Variants in ADAMTS17 observed in about 807,000 individuals in gnomAD.
ADAMTS17 encodes the protein A disintegrin and metalloproteinase with thrombospondin motifs 17.
ADAMTS17 carries 113 observed loss-of-function variants against 141.5 expected under a neutral mutation model. The ratio of observed to expected loss-of-function variants is 0.80; its 90% CI spans 0.69 to 0.93. The LOEUF (loss-of-function observed/expected upper bound fraction) is 0.93, where lower values mean the gene tolerates loss of function less well. Ranked by LOEUF, ADAMTS17 falls within the 40% of genes least tolerant of loss-of-function variation. ADAMTS17 has a pLI of 0.00. For synonymous variants in ADAMTS17, 768 were observed against 630.6 expected (o/e 1.22, Z -3.27); for missense variants, 1,659 against 1,517.9 (o/e 1.09, Z -1.54).
intron 3 of ADAMTS17, chr15:100,306,303 T>C (rs2045223091): frequency 2.8e-6 from 1 of 361,812 alleles, no homozygotes; most frequent in Non-Finnish European, 5.4e-6. Context: ...TTCAGAGTGA[T>C]GCTCTAGGAT....
intron 10 of ADAMTS17, 130 bp downstream of exon 10, chr15:100,152,482 A>G: frequency 8.2e-7 from 1 of 1,224,660 alleles, no homozygotes; most frequent in Non-Finnish European, 1.2e-6. Context: ...ATATACATGT[A>G]TACCTGTGCT....
At chr15:100,135,065 C>T (rs144194389) in intron 10 of ADAMTS17, among the ~76,000 whole-genome samples, 20 of 151,960 alleles carry the variant, frequency 1.3e-4, no homozygotes, top group Admixed American at 1.1e-3. Flanking sequence ...GGGACAGGAG[C>T]GGTTGGGATT....
rs1012082333 is a variant in ADAMTS17, at chr15:100,142,122, G to A, written c.1474-8807C>T. ...TGAAGACTTTTAAGACAGAAAATCT[G>A]GAGTAAGACACAGAAACTTCTAACA... On this transcript the variant is annotated intron_variant, in intron 10 of 21. Transcript: ENST00000268070. 2.0e-5 allele frequency among the ~76,000 whole-genome samples: 3 copies of A among 152,328 alleles called. 1 individual carries two copies. Among genetic ancestry groups the A allele is most frequent in the East Asian group, 3.9e-4 (2 of 5,190 alleles).
intron 3 of ADAMTS17, among the ~76,000 whole-genome samples, chr15:100,325,096 C>T (rs184060238): frequency 3.9e-5 from 6 of 152,286 alleles, no homozygotes; most frequent in South Asian, 4.1e-4. Flanking sequence ...TATGACGGTT[C>T]GCTTGAACAT....
intron 18 of ADAMTS17, among the ~76,000 whole-genome samples, chr15:100,036,238 A>G (rs1317637581): frequency 6.6e-6 from 1 of 152,238 alleles, no homozygotes; most frequent in Non-Finnish European, 1.5e-5. Flanking sequence ...GGGAAGGTGC[A>G]CTGTGAAAGG....
At chr15:100,341,744 G>C (rs2046373461) in intron 1 of ADAMTS17, 77 bp downstream of exon 1, 1 of 1,492,842 alleles carries the variant, frequency 6.7e-7, no homozygotes, top group Non-Finnish European at 8.9e-7. Flanking sequence ...CCCCCGGGCC[G>C]CCAGGACGCC....
intron 14 of ADAMTS17, among the ~76,000 whole-genome samples, chr15:100,108,763 T>C (rs951774851): frequency 4.6e-5 from 7 of 152,234 alleles, no homozygotes; most frequent in African/African-American, 1.7e-4. Context: ...ACGTTGTGCC[T>C]GTTCTTTCCA....
intron 7 of ADAMTS17, among the ~76,000 whole-genome samples, chr15:100,242,261 G>C (rs142249212): frequency 6.6e-6 from 1 of 152,250 alleles, no homozygotes; most frequent in East Asian, 1.9e-4. Context: ...TCCAGCGGCC[G>C]AGCAGTCACT....
intron 10 of ADAMTS17, among the ~76,000 whole-genome samples, chr15:100,144,323 G>T (rs759424090): frequency 6.6e-6 from 1 of 152,022 alleles, no homozygotes. Flanking sequence ...AGGCTGAGGC[G>T]GGTGGATCAC....
intron 8 of ADAMTS17, among the ~76,000 whole-genome samples, chr15:100,167,378 GTACT>G (rs1277820072): frequency 4.6e-5 from 7 of 152,152 alleles, no homozygotes; most frequent in Non-Finnish European, 8.8e-5. Flanking sequence ...CTGTTATCAC[GTACT>G]GACTCTTCAC....
At chr15:100,132,831 C>G (rs1052334331) in intron 11 of ADAMTS17, among the ~76,000 whole-genome samples, 2 of 152,222 alleles carry the variant, frequency 1.3e-5, no homozygotes, top group African/African-American at 4.8e-5. Flanking sequence ...CAAGCTCATT[C>G]TCTCAACATT....
At chr15:100,199,987 A>C (rs1387779483) in intron 7 of ADAMTS17, among the ~76,000 whole-genome samples, 1 of 152,218 alleles carries the variant, frequency 6.6e-6, no homozygotes, top group African/African-American at 2.4e-5. Flanking sequence ...CACGCCCCGG[A>C]AGGCTGCACA....
At chr15:100,340,353 G>A (rs1388241679) in intron 2 of ADAMTS17, among the ~76,000 whole-genome samples, 1 of 152,236 alleles carries the variant, frequency 6.6e-6, no homozygotes, top group Non-Finnish European at 1.5e-5. Flanking sequence ...CACAGCAAGG[G>A]AGCTCCTGGG....
intron 15 of ADAMTS17, among the ~76,000 whole-genome samples, chr15:100,057,958 G>A (rs532526650): frequency 2.0e-5 from 3 of 151,952 alleles, no homozygotes; most frequent in South Asian, 4.2e-4. Flanking sequence ...TTGGAGGTTG[G>A]GTTAAAAAAA....
intron 13 of ADAMTS17, among the ~76,000 whole-genome samples, chr15:100,109,566 A>G (rs950661025): frequency 6.6e-6 from 1 of 152,116 alleles, no homozygotes; most frequent in African/African-American, 2.4e-5. Context: ...TAGCTTTGGT[A>G]AGAGCTTCAG....
In ADAMTS17 at chr15:100,271,760, C is replaced by T. The variant is rs56311077; in HGVS notation, c.790-9325G>A. The stretch of plus-strand genomic sequence containing the variant: ...ATGAATTCCAATTTGTCTATTTTTC[C>T]TTTTGCTGCCTGTGCTTTTGGTGTT... On this transcript the variant is annotated intron_variant, in intron 4 of 21. Transcript: ENST00000268070. 5.3e-3 allele frequency among the ~76,000 whole-genome samples: 802 copies of T among 152,162 alleles called. 10 individuals carry two copies. The highest frequency in any genetic ancestry group is 0.018 in the African/African-American group (760 of 41,524).
intron 4 of ADAMTS17, among the ~76,000 whole-genome samples, chr15:100,268,623 A>G (rs570550378): frequency 1.3e-5 from 2 of 152,218 alleles, no homozygotes; most frequent in South Asian, 4.1e-4. Flanking sequence ...TGTTTTTTGC[A>G]CACTTTTTAA....
At chr15:100,216,632 C>T (rs1033603232) in intron 7 of ADAMTS17, among the ~76,000 whole-genome samples, 2 of 152,178 alleles carry the variant, frequency 1.3e-5, no homozygotes, top group African/African-American at 2.4e-5. Flanking sequence ...GACAAGCTCA[C>T]GGAACCCTTT....
chr15:99,985,243 G>A (rs997935707), intron 20 of ADAMTS17, among the ~76,000 whole-genome samples: 5 of 152,190 alleles, frequency 3.3e-5, no homozygotes, highest in Admixed American at 6.5e-5. Context: ...TGCCTTTCAC[G>A]GGCTGCTCAC....
Sources: gnomAD v4.1 joint callset for allele counts (sites outside exome capture counted in the v4.1 genomes callset) on GRCh38, gnomAD v4.1.1 for gene constraint, MANE v1.5 for transcripts, NCBI Gene and HGNC (gene_info 2026-07-23, HGNC 2026-07-21) for gene names.